MCM3AP: variants seen among roughly 807,000 people sequenced by gnomAD.
MCM3AP encodes germinal-center associated nuclear protein.
In MCM3AP, 126 loss-of-function variants were observed where a neutral mutation model predicts 184.1. That is an observed-to-expected ratio of 0.68 (90% CI 0.59 to 0.79). The LOEUF is 0.79. MCM3AP is among the 30% of genes least tolerant of loss of function. The pLI, the probability that MCM3AP is intolerant of heterozygous loss-of-function variation, is 0.00. For synonymous variants in MCM3AP, 1,002 were observed against 979.3 expected, an observed-to-expected ratio of 1.02 and a Z score of -0.43; for missense variants, 2,496 against 2,479.2, an observed-to-expected ratio of 1.01 and a Z score of -0.14.
chr21:46,270,212 G>A (rs1449501704), intron 9 of MCM3AP, 189 bp downstream of exon 9: 23 of 490,246 alleles, frequency 4.7e-5, no homozygotes, highest in South Asian at 1.4e-4. Flanking sequence ...CAGCCTTTCC[G>A]GATGGTGACC....
intron 4 of MCM3AP, among the ~76,000 whole-genome samples, chr21:46,278,135 C>T (rs1362902940): frequency 6.8e-6 from 1 of 147,146 alleles, no homozygotes; most frequent in Non-Finnish European, 1.5e-5. Flanking sequence ...GCCTGGGTGA[C>T]AGAGTGAGAC....
chr21:46,243,011 A>C (rs2080697854), intron 24 of MCM3AP, 80 bp from the exon 25 acceptor site: 1 of 1,302,306 alleles, frequency 7.7e-7, no homozygotes, highest in Non-Finnish European at 1.1e-6. Flanking sequence ...ACACACAAAA[A>C]AACAAAAACA....
At chr21:46,268,342 C>A (rs185414972) in intron 9 of MCM3AP, among the ~76,000 whole-genome samples, 29 of 152,366 alleles carry the variant, frequency 1.9e-4, no homozygotes, top group African/African-American at 6.7e-4. Context: ...CAACACTGAT[C>A]AAGCATTTGC....
In MCM3AP at chr21:46,235,443, G is replaced by A. The variant is rs1426806161; in HGVS notation, c.5785-17C>T. On this transcript the variant is annotated splice_polypyrimidine_tract_variant and intron_variant, in intron 27 of 27. Coordinates refer to ENST00000291688, the MANE Select transcript of MCM3AP (RefSeq NM_003906.5). ...CATGTCACTCTATTTGAATAAAAAA[G>A]AAACTGAACAGTTTTGGGATGTCAA... 1.9e-6 allele frequency: 3 copies of A among 1,612,742 alleles called. No individual in the cohort carries two copies. Among genetic ancestry groups the A allele is most frequent in the East Asian group, 2.2e-5 (1 of 44,886 alleles).
intron 20 of MCM3AP, chr21:46,250,454 G>A (rs1482124493): frequency 2.6e-5 from 4 of 152,258 alleles, no homozygotes; most frequent in Non-Finnish European, 5.9e-5. Flanking sequence ...ACAGACAGAA[G>A]CCAACAAAAG....
At chr21:46,257,548 C>T (rs965470832) in intron 16 of MCM3AP, among the ~76,000 whole-genome samples, 1 of 151,748 alleles carries the variant, frequency 6.6e-6, no homozygotes, top group African/African-American at 2.4e-5. Context: ...GAATTTATCT[C>T]CACACACGTG....
intron 16 of MCM3AP, among the ~76,000 whole-genome samples, chr21:46,257,571 C>T (rs1200006741): frequency 2.0e-4 from 30 of 151,444 alleles, no homozygotes; most frequent in Admixed American, 2.0e-3. Context: ...TGTGTGCAAA[C>T]GGGTGAGATG....
At chr21:46,261,042 C>T (rs924729835) in intron 14 of MCM3AP, 136 bp from the exon 15 acceptor site, 2 of 815,616 alleles carry the variant, frequency 2.5e-6, no homozygotes, top group Admixed American at 2.2e-5. Context: ...CTCCAGCTCC[C>T]CTGACACCAC....
intron 2 of MCM3AP, among the ~76,000 whole-genome samples, chr21:46,281,944 G>A (rs2081339130): frequency 6.6e-6 from 1 of 152,122 alleles, no homozygotes; most frequent in South Asian, 2.1e-4. Context: ...GTTGAAGTGA[G>A]CCAAGATTGC....
chr21:46,281,798 G>A (rs561081683), intron 2 of MCM3AP, among the ~76,000 whole-genome samples: 146 of 151,838 alleles, frequency 9.6e-4, no homozygotes, highest in African/African-American at 3.3e-3. Flanking sequence ...TCAGGAGTTC[G>A]AGACCAGCCT....
rs545740214 is a variant in MCM3AP, at chr21:46,281,738, C to T, written c.1444-1163G>A. Among the ~76,000 whole-genome samples, 73 of 152,242 alleles carry T rather than the reference C, an allele frequency of 4.8e-4. 1 individual carries two copies. The highest frequency in any genetic ancestry group is 3.9e-3 in the Admixed American group (59 of 15,288). On this transcript the variant is annotated intron_variant, in intron 2 of 27. Coordinates refer to ENST00000291688, the MANE Select transcript of MCM3AP (RefSeq NM_003906.5). ...AAACAAGGCCAGGCATGGTGGCTCA[C>T]GCCTGTAATCCCAGCACTTTGGGAG...
At chr21:46,240,512 C>T (rs2080642266) in intron 26 of MCM3AP, among the ~76,000 whole-genome samples, 1 of 152,182 alleles carries the variant, frequency 6.6e-6, no homozygotes, top group African/African-American at 2.4e-5. Context: ...TAGTGTTCAG[C>T]ACTCACCATC....
chr21:46,275,455 A>C, intron 5 of MCM3AP, 130 bp from the exon 6 acceptor site: 1 of 808,350 alleles, frequency 1.2e-6, no homozygotes, highest in Non-Finnish European at 1.9e-6. Flanking sequence ...GAAAAGAAAA[A>C]CATTTGTAAA....
intron 19 of MCM3AP, chr21:46,253,538 C>T (rs2080903560): frequency 6.6e-6 from 1 of 152,176 alleles, no homozygotes; most frequent in South Asian, 2.1e-4. Context: ...AGTGAGCTCT[C>T]ACGAGATCTG....
chr21:46,263,163 T>C (rs552821174), intron 13 of MCM3AP, among the ~76,000 whole-genome samples: 1 of 151,224 alleles, frequency 6.6e-6, no homozygotes, highest in South Asian at 2.1e-4. Context: ...ACCCTGTCTC[T>C]ACTAAAAATA....
In MCM3AP at chr21:46,284,795, T is replaced by C. The variant is rs535509501; in HGVS notation, c.492A>G (p.Pro164=). Residue 164 remains proline (P), a synonymous_variant, in exon 1 of 28, where the codon CCA becomes CCG. Transcript: ENST00000291688. The stretch of plus-strand genomic sequence containing the variant: ...AAGCAATTTGGCTCTGGGTTTTCTC[T>C]GGCTCAGATTCAGCCCCCAGTATTG... The part of the protein sequence containing the change: ...FKPILGAESE[P]EKTQSQIASG... 6 of 1,613,700 alleles carry C rather than the reference T, an allele frequency of 3.7e-6. No individual in the cohort carries two copies. The highest frequency in any genetic ancestry group is 2.2e-5 in the East Asian group (1 of 44,868).
At position 46,285,240 on chromosome 21, in the gene MCM3AP, G is replaced by A. The variant is rs201727219; in HGVS notation, c.47C>T (p.Ser16Leu). Residue 16 changes from serine (S) to leucine (L), a missense_variant, in exon 1 of 28, where the codon TCG becomes TTG. Coordinates refer to ENST00000291688, the MANE Select transcript of MCM3AP (RefSeq NM_003906.5). ...PFSGQQPSAF[S>L]ASSSNVGTLP... The stretch of plus-strand genomic sequence containing the variant: ...TGTTCCTACATTACTAGAAGACGCC[G>A]AAAAAGCACTAGGCTGCTGCCCACT... 3.7e-5 allele frequency: 60 copies of A among 1,614,034 alleles called. No homozygotes were observed. Among genetic ancestry groups the A allele is most frequent in the Non-Finnish European group, 4.7e-5 (56 of 1,179,968 alleles).
intron 11 of MCM3AP, 48 bp from the exon 12 acceptor site, chr21:46,265,571 C>T: frequency 6.8e-7 from 1 of 1,460,374 alleles, no homozygotes; most frequent in Non-Finnish European, 9.2e-7. Flanking sequence ...CACAGGGTGC[C>T]TGGCACCACG....
chr21:46,265,283 C>T (rs781714557), intron 12 of MCM3AP, 38 bp downstream of exon 12: 2 of 1,595,862 alleles, frequency 1.3e-6, no homozygotes, highest in South Asian at 1.1e-5. Flanking sequence ...GCACAATGGG[C>T]TTCCCAGAGT....
Sources: gnomAD v4.1 joint callset for allele counts (sites outside exome capture counted in the v4.1 genomes callset) on GRCh38, gnomAD v4.1.1 for gene constraint, MANE v1.5 for transcripts, NCBI Gene and HGNC (gene_info 2026-07-23, HGNC 2026-07-21) for gene names.